The following WDR20 variants were observed in gnomAD, a reference collection of about 807,000 sequenced individuals.
WDR20 encodes WD repeat domain 20, also known as WD repeat-containing protein 20.
A neutral mutation model predicts 38.7 loss-of-function variants in WDR20; 3 were observed. That is an observed-to-expected ratio of 0.08 (90% CI 0.04 to 0.20). WDR20 has a LOEUF of 0.20. Ranked by LOEUF, WDR20 falls within the 10% of genes least tolerant of loss-of-function variation. WDR20 has a pLI of 1.00. For synonymous variants in WDR20, 298 were observed against 285.6 expected (o/e 1.04, Z -0.44); for missense variants, 559 against 727.7 (o/e 0.77, Z 2.67).
chr14:102,213,159 G>T (rs1597082226), downstream of WDR20: 2 of 985,824 alleles, frequency 2.0e-6, no homozygotes, highest in East Asian at 1.1e-4. Context: ...TTTGTGCTGT[G>T]ACTGCGATGG....
chr14:102,144,497 A>G (rs2052839972), intron 1 of WDR20, among the ~76,000 whole-genome samples: 1 of 151,320 alleles, frequency 6.6e-6, no homozygotes, highest in African/African-American at 2.4e-5. Context: ...AAAAAAAAAA[A>G]GATTGTTTTA....
At position 102,208,506 on chromosome 14, in the gene WDR20, G is replaced by C; in HGVS notation, c.433-97G>C. The C allele has an allele frequency of 6.8e-7, 1 of 1,461,730 alleles. No homozygotes were observed. Among genetic ancestry groups the C allele is most frequent in the Non-Finnish European group, 9.1e-7 (1 of 1,103,574 alleles). The allele number at this position is 1,461,730 out of a possible 1,614,324, so 90.5% of individuals were successfully genotyped here. ...AAATGTGGAGGGCCTGGATAGACTTGCCCCTTCCCATCGAGAAGCACACAA... is the reference window on the plus strand; with the variant it reads ...AAATGTGGAGGGCCTGGATAGACTTCCCCCTTCCCATCGAGAAGCACACAA... On this transcript the variant is annotated intron_variant, in intron 2 of 2. Transcript: ENST00000342702. The surrounding 1 kb of genome is among the most constrained non-coding windows in gnomAD (Gnocchi z 5.6).
At chr14:102,186,092 G>A (rs182067394) in intron 1 of WDR20, among the ~76,000 whole-genome samples, 1 of 152,318 alleles carries the variant, frequency 6.6e-6, no homozygotes, top group East Asian at 1.9e-4. Context: ...AGTGACCCAA[G>A]CCTAACTGAC....
At chr14:102,217,347 C>T (rs190357847), downstream of WDR20, among the ~76,000 whole-genome samples, 434 of 152,332 alleles carry the variant, frequency 2.8e-3, 1 homozygote, top group Non-Finnish European at 4.7e-3. Context: ...CAGATCGCAG[C>T]GGAGCCCTTA....
rs548727105 is a variant in WDR20 at position 102,150,358 on chromosome 14, C to T, written c.249+10186C>T. ...GTGTGGTGGTGTGCGCCTGTAGTCC[C>T]AGCTACTCGGGGCCGAGGTAAGAGG... On this transcript the variant is annotated intron_variant, in intron 1 of 2. Coordinates refer to ENST00000342702, the MANE Select transcript of WDR20 (RefSeq NM_144574.4). 1.1e-4 allele frequency among the ~76,000 whole-genome samples: 17 copies of T among 152,172 alleles called. No individual in the cohort carries two copies. The South Asian group carries it at 3.1e-3, about 28-fold the overall frequency.
intron 1 of WDR20, among the ~76,000 whole-genome samples, chr14:102,194,261 A>C (rs774358540): frequency 6.6e-6 from 1 of 152,230 alleles, no homozygotes; most frequent in Non-Finnish European, 1.5e-5. Flanking sequence ...TCGATAAGTA[A>C]TGTTCCCCGA....
chr14:102,141,102 G>GC (rs1566759582), intron 1 of WDR20, among the ~76,000 whole-genome samples: 1 of 152,108 alleles, frequency 6.6e-6, no homozygotes, highest in African/African-American at 2.4e-5. Flanking sequence ...TCTTTCATTG[G>GC]CTATGTAACT....
chr14:102,187,392 G>A (rs1223832830), intron 1 of WDR20, among the ~76,000 whole-genome samples: 1 of 148,440 alleles, frequency 6.7e-6, no homozygotes, highest in East Asian at 1.9e-4. Context: ...GGGTCTGGAA[G>A]AATGTCACAC....
chr14:102,209,295 C>G lies in WDR20; in HGVS notation c.1125C>G (p.Asp375Glu). ...VTYRFGSVGQDTQLCLWDLTE... is the reference protein window; with the variant it reads ...VTYRFGSVGQETQLCLWDLTE... ...ATCGGTTTGGTTCCGTGGGCCAGGA[C>G]ACACAGCTCTGTTTATGGGACCTTA... The change falls in exon 3 of 3, where the codon GAC becomes GAG. Residue 375 changes from aspartate to glutamate, a missense_variant. Transcript: ENST00000342702. The surrounding 1 kb of genome is among the most constrained non-coding windows in gnomAD (Gnocchi z 6.0). 1 of 1,614,198 alleles carries G rather than the reference C, an allele frequency of 6.2e-7. No homozygotes were observed. Among genetic ancestry groups the G allele is most frequent in the Non-Finnish European group, 8.5e-7 (1 of 1,180,034 alleles).
intron 2 of WDR20, among the ~76,000 whole-genome samples, chr14:102,200,457 ATTTTTT>A (rs746438768): frequency 9.0e-6 from 1 of 110,996 alleles, no homozygotes; most frequent in African/African-American, 3.6e-5. Context: ...TACTTTTTAA[ATTTTTT>A]TTTTTGTGTG....
chr14:102,222,561 C>A lies in WDR20; in HGVS notation c.1693-269C>A, dbSNP rs2064025467. Among the ~76,000 whole-genome samples, 1 of 152,156 alleles carries A rather than the reference C, an allele frequency of 6.6e-6. No homozygotes were observed. The highest frequency in any genetic ancestry group is 1.5e-5 in the Non-Finnish European group (1 of 68,020). On this transcript the variant is annotated intron_variant, in intron 3 of 3. Coordinates refer to the WDR20 transcript ENST00000335263. The surrounding 1 kb of genome is among the most constrained non-coding windows in gnomAD (Gnocchi z 4.4). ...CTCAGGTGCTGAGAAACCACTGTCT[C>A]CCCCAAGGGCAAGGCCAGCCCTGCC...
intron 2 of WDR20, among the ~76,000 whole-genome samples, chr14:102,202,597 G>A (rs369579353): frequency 6.6e-6 from 1 of 151,948 alleles, no homozygotes; most frequent in Non-Finnish European, 1.5e-5. Context: ...GGCCAGGATG[G>A]TCTCGATCTC....
chr14:102,223,733 G>A (rs1597197462), downstream of WDR20: 1 of 152,170 alleles, frequency 6.6e-6, no homozygotes, highest in Non-Finnish European at 1.5e-5. Context: ...GGTTGAACTG[G>A]TTGGTATGGA....
exon 4 of WDR20, chr14:102,223,341 C>T (rs1009895711): frequency 6.6e-6 from 1 of 152,468 alleles, no homozygotes; most frequent in Non-Finnish European, 1.5e-5. Context: ...TACTTTCTGA[C>T]GTAATGTAAT....
chr14:102,163,265 C>T (rs889853388), intron 1 of WDR20, among the ~76,000 whole-genome samples: 5 of 152,200 alleles, frequency 3.3e-5, no homozygotes, highest in Admixed American at 6.5e-5. Flanking sequence ...TGACTTCCAC[C>T]AGATACCAGC....
chr14:102,178,224 T>C (rs958078596), intron 1 of WDR20, among the ~76,000 whole-genome samples: 2 of 151,964 alleles, frequency 1.3e-5, no homozygotes, highest in Non-Finnish European at 2.9e-5. Context: ...AAACCCCGTC[T>C]CTACCAAAAA....
At chr14:102,174,924 G>T (rs2061728494) in intron 1 of WDR20, among the ~76,000 whole-genome samples, 1 of 152,024 alleles carries the variant, frequency 6.6e-6, no homozygotes, top group Non-Finnish European at 1.5e-5. Flanking sequence ...TTTTCTTGCT[G>T]ATTTGTTTTA....
At chr14:102,173,949 C>T (rs1240070991) in intron 1 of WDR20, among the ~76,000 whole-genome samples, 1 of 150,900 alleles carries the variant, frequency 6.6e-6, no homozygotes, top group Non-Finnish European at 1.5e-5. Context: ...GAGGCTGAGG[C>T]AGGAGAATGG....
At chr14:102,188,092 C>T (rs1000144814) in intron 1 of WDR20, among the ~76,000 whole-genome samples, 2 of 152,206 alleles carry the variant, frequency 1.3e-5, no homozygotes, top group African/African-American at 2.4e-5. Flanking sequence ...ATTACCTACA[C>T]TATTTCCACC....
Sources: allele counts gnomAD v4.1 joint callset (sites outside exome capture counted in the v4.1 genomes callset), GRCh38; gene constraint gnomAD v4.1.1; non-coding constraint Gnocchi (gnomAD v3.1); transcripts MANE v1.5; gene names NCBI Gene and HGNC (gene_info 2026-07-23, HGNC 2026-07-21).